The following SPIRE1 variants were observed in gnomAD, a reference collection of about 807,000 sequenced individuals.
SPIRE1 encodes spire type actin nucleation factor 1.
SPIRE1 carries 40 observed loss-of-function variants against 94.1 expected under a neutral mutation model. The observed-to-expected ratio is 0.43, with a 90% CI of 0.33 to 0.55. The LOEUF (loss-of-function observed/expected upper bound fraction) is 0.55, where lower values mean the gene tolerates loss of function less well. SPIRE1 is among the 20% of genes least tolerant of loss of function. The pLI, the probability that SPIRE1 is intolerant of heterozygous loss-of-function variation, is 0.06. For synonymous variants in SPIRE1, 376 were observed against 371.7 expected, an observed-to-expected ratio of 1.01 and a Z score of -0.13; for missense variants, 838 against 975.2, an observed-to-expected ratio of 0.86 and a Z score of 1.87.
chr18:12,657,934 T>C lies in SPIRE1; in HGVS notation c.-68A>G, dbSNP rs1227595482. 2 of 1,013,044 alleles carry C rather than the reference T, an allele frequency of 2.0e-6. No individual in the cohort carries two copies. The highest frequency in any genetic ancestry group is 9.1e-5 in the South Asian group (2 of 21,902). The allele number at this position is 1,013,044 out of a possible 1,614,324, so 62.8% of individuals were successfully genotyped here. A position where few individuals can be genotyped will look rare whatever the true frequency, so the allele number is the denominator to read the frequency against. ...GCGTCTCCTCAGCTCCGGAGCATCG[T>C]CGTCGCGCGCCGCCGCCTCACCATC... On this transcript the variant is annotated 5_prime_UTR_variant, in exon 1 of 17. Coordinates refer to ENST00000409402, the MANE Select transcript of SPIRE1 (RefSeq NM_001128626.2).
Position 12,493,152 on chromosome 18 carries a change from T to C in SPIRE1, c.1109A>G (p.His370Arg), listed in dbSNP as rs975088552. 1.9e-6 allele frequency: 3 copies of C among 1,613,702 alleles called. No individual in the cohort carries two copies. Among genetic ancestry groups the C allele is most frequent in the Admixed American group, 1.7e-5 (1 of 59,990 alleles). The change falls in exon 8 of 17, where the codon CAT (histidine) becomes CGT (arginine). Residue 370 changes from histidine to arginine, a missense_variant. By Grantham distance (29) the His-to-Arg change is conservative. Transcript: ENST00000409402. ...KPTPPRPRSLHERILEEIKAE... is the reference protein window; with the variant it reads ...KPTPPRPRSLRERILEEIKAE... ...TTTAATTTCTTCTAATATTCTTTCA[T>C]GGAGGCTCCGTGGCCGTGGTGGAGT... is the stretch of plus-strand genomic sequence containing the variant.
intron 3 of SPIRE1, among the ~76,000 whole-genome samples, chr18:12,537,416 A>G (rs1239729714): frequency 6.6e-6 from 1 of 152,230 alleles, no homozygotes; most frequent in Non-Finnish European, 1.5e-5. Context: ...AAATAAATTT[A>G]TATATATTCA....
At chr18:12,571,626 A>C (rs1008476802) in intron 2 of SPIRE1, among the ~76,000 whole-genome samples, 1 of 152,230 alleles carries the variant, frequency 6.6e-6, no homozygotes, top group African/African-American at 2.4e-5. Context: ...GTGTTCACAA[A>C]AATACTATAA....
At chr18:12,652,217 C>T (rs1367311740) in intron 1 of SPIRE1, among the ~76,000 whole-genome samples, 1 of 152,106 alleles carries the variant, frequency 6.6e-6, no homozygotes. Flanking sequence ...TCAGTTACTA[C>T]CTTCTAAAGA....
chr18:12,601,608 A>T (rs982403737), intron 2 of SPIRE1, among the ~76,000 whole-genome samples: 1 of 152,188 alleles, frequency 6.6e-6, no homozygotes, highest in Non-Finnish European at 1.5e-5. Flanking sequence ...AGATGAAAGA[A>T]AATTCATGCC....
chr18:12,469,757 T>C (rs2032275757), intron 10 of SPIRE1, among the ~76,000 whole-genome samples: 1 of 144,990 alleles, frequency 6.9e-6, no homozygotes, highest in African/African-American at 2.5e-5. Context: ...TATAATTATA[T>C]ATATACACAT....
chr18:12,459,990 T>G, intron 12 of SPIRE1: 1 of 777,534 alleles, frequency 1.3e-6, no homozygotes, highest in Admixed American at 6.2e-5. Context: ...AAAATAATGC[T>G]GAACACAAGT....
At chr18:12,458,883 T>C (rs1418523328) in intron 12 of SPIRE1, among the ~76,000 whole-genome samples, 1 of 152,240 alleles carries the variant, frequency 6.6e-6, no homozygotes, top group African/African-American at 2.4e-5. Context: ...GTTTTGTGTC[T>C]TATTTACATT....
chr18:12,603,368 G>C (rs1316370285), intron 2 of SPIRE1, among the ~76,000 whole-genome samples: 1 of 152,088 alleles, frequency 6.6e-6, no homozygotes, highest in Non-Finnish European at 1.5e-5. Flanking sequence ...CCTATCTCCT[G>C]GCATACAACT....
At chr18:12,474,054 C>CA (rs1568192697) in intron 10 of SPIRE1, among the ~76,000 whole-genome samples, 1 of 151,998 alleles carries the variant, frequency 6.6e-6, no homozygotes, top group South Asian at 2.1e-4. Context: ...ACAAACAAAC[C>CA]AAAAAAACCC....
Position 12,486,047 on chromosome 18 carries a change from A to G in SPIRE1, c.1190-47T>C, listed in dbSNP as rs778461095. The G allele has an allele frequency of 1.3e-5, 18 of 1,413,166 alleles. No homozygotes were observed. In the South Asian group the frequency reaches 1.6e-4, roughly 12 times the overall value. The allele number at this position is 1,413,166 out of a possible 1,614,324, so 87.5% of individuals were successfully genotyped here. On this transcript the variant is annotated intron_variant, in intron 8 of 16. Transcript: ENST00000409402. ...ATAAAAAGAAAATAATTCAGCTGTT[A>G]GGAATATACAGAGAGGACAAAAAAG...
intron 4 of SPIRE1, among the ~76,000 whole-genome samples, chr18:12,525,190 T>C (rs1256593884): frequency 7.0e-6 from 1 of 142,378 alleles, no homozygotes; most frequent in Non-Finnish European, 1.5e-5. Context: ...GGCAGGAGAA[T>C]GGCGTGAACC....
At chr18:12,572,257 A>G (rs753127749) in intron 2 of SPIRE1, among the ~76,000 whole-genome samples, 1 of 152,186 alleles carries the variant, frequency 6.6e-6, no homozygotes, top group Admixed American at 6.5e-5. Context: ...GTCTTTATCA[A>G]ATAAAATTAA....
At chr18:12,635,312 A>T (rs1176219804) in intron 1 of SPIRE1, among the ~76,000 whole-genome samples, 1 of 152,140 alleles carries the variant, frequency 6.6e-6, no homozygotes, top group African/African-American at 2.4e-5. Flanking sequence ...AAAAGGTGAG[A>T]AAAAAATGCT....
intron 13 of SPIRE1, among the ~76,000 whole-genome samples, 160 bp downstream of exon 13, chr18:12,454,186 C>A (rs73403716): frequency 1.3e-5 from 2 of 152,116 alleles, no homozygotes; most frequent in African/African-American, 4.8e-5. Context: ...CTCTTGTGAA[C>A]GAGACAGCAC....
intron 2 of SPIRE1, among the ~76,000 whole-genome samples, chr18:12,560,378 A>G (rs914414779): frequency 2.6e-5 from 4 of 152,252 alleles, no homozygotes; most frequent in Admixed American, 2.6e-4. Flanking sequence ...TGTGGTACAT[A>G]TATCTAATAG....
intron 1 of SPIRE1, among the ~76,000 whole-genome samples, chr18:12,639,006 T>G (rs755378531): frequency 6.6e-6 from 1 of 152,174 alleles, no homozygotes; most frequent in African/African-American, 2.4e-5. Flanking sequence ...AAGAATGGAC[T>G]AATATATCTC....
chr18:12,520,552 TCAAAA>T (rs2034330150), intron 4 of SPIRE1, among the ~76,000 whole-genome samples: 1 of 151,896 alleles, frequency 6.6e-6, no homozygotes, highest in South Asian at 2.1e-4. Context: ...TTACCAACAC[TCAAAA>T]CAAAAATAAC....
chr18:12,530,377 T>G (rs2034649577), intron 4 of SPIRE1, among the ~76,000 whole-genome samples: 1 of 152,216 alleles, frequency 6.6e-6, no homozygotes, highest in African/African-American at 2.4e-5. Context: ...CCGATTTTTA[T>G]GTTTTTAGAG....
Sources: gnomAD v4.1 joint callset for allele counts (sites outside exome capture counted in the v4.1 genomes callset) on GRCh38, gnomAD v4.1.1 for gene constraint, MANE v1.5 for transcripts, NCBI Gene and HGNC (gene_info 2026-07-23, HGNC 2026-07-21) for gene names.